ATOSA: variants seen among roughly 807,000 people sequenced by gnomAD.
The protein encoded by ATOSA is atos homolog protein A.
chr15:52,636,634 TATG>T, the ATOSA span, among the ~76,000 whole-genome samples: 1 of 152,192 alleles, frequency 6.6e-6, no homozygotes, highest in African/African-American at 2.4e-5. Context: ...ACTCCAGAAC[TATG>T]ATAAAATAAA....
chr15:52,665,479 C>A, the ATOSA span, among the ~76,000 whole-genome samples: 7 of 151,960 alleles, frequency 4.6e-5, no homozygotes, highest in South Asian at 2.1e-4. Context: ...TACATTAAAG[C>A]TAACAAGAGT....
the ATOSA span, among the ~76,000 whole-genome samples, chr15:52,642,950 G>C: frequency 6.6e-6 from 1 of 152,024 alleles, no homozygotes; most frequent in Non-Finnish European, 1.5e-5. Flanking sequence ...TTACTGGTGT[G>C]AGCCTCCACA....
the ATOSA span, among the ~76,000 whole-genome samples, chr15:52,680,475 T>A: frequency 6.6e-6 from 1 of 152,212 alleles, no homozygotes; most frequent in Non-Finnish European, 1.5e-5. Flanking sequence ...AAATTTTTTT[T>A]ACAATGAGTC....
At chr15:52,661,480 T>G in the ATOSA span, among the ~76,000 whole-genome samples, 1 of 152,186 alleles carries the variant, frequency 6.6e-6, no homozygotes, top group East Asian at 1.9e-4. Flanking sequence ...GGTCTTACAT[T>G]TTCTCAACTG....
the ATOSA span, chr15:52,587,295 G>A: frequency 8.2e-7 from 1 of 1,217,234 alleles, no homozygotes; most frequent in Non-Finnish European, 1.2e-6. Flanking sequence ...AATAACTCAT[G>A]TAATTTATTA....
chr15:52,635,477 G>C, the ATOSA span, among the ~76,000 whole-genome samples: 1 of 152,134 alleles, frequency 6.6e-6, no homozygotes, highest in Non-Finnish European at 1.5e-5. Context: ...AGGACCACTT[G>C]AGCTCAGGAG....
At chr15:52,670,133 A>AT in the ATOSA span, among the ~76,000 whole-genome samples, 1 of 152,104 alleles carries the variant, frequency 6.6e-6, no homozygotes, top group African/African-American at 2.4e-5. Flanking sequence ...ACTTTTTTCT[A>AT]TGTTATTGTA....
chr15:52,696,168 A>C, the ATOSA span, among the ~76,000 whole-genome samples: 1 of 152,168 alleles, frequency 6.6e-6, no homozygotes, highest in Non-Finnish European at 1.5e-5. Context: ...ATGGTAGGCT[A>C]TTCCTGCAAC....
the ATOSA span, among the ~76,000 whole-genome samples, chr15:52,619,108 AAC>A: frequency 6.6e-6 from 1 of 152,376 alleles, no homozygotes; most frequent in East Asian, 1.9e-4. Flanking sequence ...GGTATTTTGA[AAC>A]ACATAAAATA....
the ATOSA span, chr15:52,608,690 A>G: frequency 1.2e-6 from 2 of 1,612,356 alleles, no homozygotes; most frequent in East Asian, 4.5e-5. Flanking sequence ...TCATTTTTTA[A>G]TTGGTCTGAC....
chr15:52,702,751 G>C, the ATOSA span, among the ~76,000 whole-genome samples: 3 of 130,542 alleles, frequency 2.3e-5, no homozygotes, highest in Admixed American at 2.6e-4. Context: ...TATCCCCTGA[G>C]TCTAAAAGTT....
the ATOSA span, among the ~76,000 whole-genome samples, chr15:52,621,589 GT>G: frequency 6.6e-6 from 1 of 152,094 alleles, no homozygotes; most frequent in Non-Finnish European, 1.5e-5. Flanking sequence ...ATGGGGGTGG[GT>G]TTTTCCATTC....
the ATOSA span, chr15:52,678,258 ACT>A: frequency 1.8e-5 from 11 of 595,522 alleles, no homozygotes; most frequent in African/African-American, 1.1e-4. Flanking sequence ...AAAAAGCAAA[ACT>A]CTCTGCACCG....
the ATOSA span, chr15:52,677,890 A>C: frequency 3.6e-6 from 5 of 1,374,632 alleles, no homozygotes; most frequent in South Asian, 4.7e-5. Flanking sequence ...AAAACAGATA[A>C]TCACATATGA....
chr15:52,699,253 C>T, the ATOSA span, among the ~76,000 whole-genome samples: 1 of 152,126 alleles, frequency 6.6e-6, no homozygotes, highest in Non-Finnish European at 1.5e-5. Flanking sequence ...TGTGCCTTCA[C>T]AGTGGTGGCA....
chr15:52,587,945 ACTT>A, the ATOSA span, among the ~76,000 whole-genome samples: 1 of 152,198 alleles, frequency 6.6e-6, no homozygotes, highest in Non-Finnish European at 1.5e-5. Context: ...TTGGTCATTT[ACTT>A]ATTAAGGAAT....
chr15:52,674,345 C>T, the ATOSA span, among the ~76,000 whole-genome samples: 1 of 152,124 alleles, frequency 6.6e-6, no homozygotes, highest in Non-Finnish European at 1.5e-5. Flanking sequence ...GCCACCGCAA[C>T]AGGCCGTGGA....
chr15:52,675,924 G>GA, the ATOSA span, among the ~76,000 whole-genome samples: 44 of 148,532 alleles, frequency 3.0e-4, no homozygotes, highest in African/African-American at 8.9e-4. Context: ...AAAAGAAAAA[G>GA]AAAAAAAAAG....
the ATOSA span, among the ~76,000 whole-genome samples, chr15:52,596,099 GA>G: frequency 6.6e-6 from 1 of 152,078 alleles, no homozygotes; most frequent in Middle Eastern, 3.4e-3. Flanking sequence ...GGGTGACAGA[GA>G]AAAGTCCCTA....
Sources: allele counts gnomAD v4.1 joint callset (sites outside exome capture counted in the v4.1 genomes callset), GRCh38; gene constraint gnomAD v4.1.1; transcripts MANE v1.5; gene names NCBI Gene and HGNC (gene_info 2026-07-23, HGNC 2026-07-21).